AFF3: variants seen among roughly 807,000 people sequenced by gnomAD.
AFF3 encodes the protein AF4/FMR2 family member 3.
A neutral mutation model predicts 129.7 loss-of-function variants in AFF3; 32 were observed. The observed-to-expected ratio is 0.25, with a 90% CI of 0.19 to 0.33. The LOEUF (loss-of-function observed/expected upper bound fraction) is 0.33, where lower values mean the gene tolerates loss of function less well. Among genes scored for constraint, AFF3 ranks in the 10% least tolerant of loss-of-function variants. AFF3 has a pLI of 1.00. For missense variants in AFF3, 1,373 were observed against 1,592.0 expected (o/e 0.86, Z 2.34); for synonymous variants, 644 against 635.4 (o/e 1.01, Z -0.20).
chr2:99,883,805 G>A (rs1379833850), intron 7 of AFF3, among the ~76,000 whole-genome samples: 2 of 151,774 alleles, frequency 1.3e-5, no homozygotes, highest in African/African-American at 4.8e-5. Flanking sequence ...ATAAAAACAA[G>A]ACTAGGCAGA....
chr2:100,021,471 T>C (rs17352731), intron 4 of AFF3, among the ~76,000 whole-genome samples: 20,900 of 152,246 alleles, frequency 0.14, 1,684 homozygotes, highest in South Asian at 0.2. Context: ...ATATCACCAT[T>C]TGAACACACA....
At chr2:99,824,992 A>G (rs1313153375) in intron 8 of AFF3, among the ~76,000 whole-genome samples, 1 of 152,232 alleles carries the variant, frequency 6.6e-6, no homozygotes, top group Non-Finnish European at 1.5e-5. Flanking sequence ...ACAAAACAAC[A>G]TGCAAATAAA....
chr2:100,103,483 G>A (rs2105485926), intron 4 of AFF3, among the ~76,000 whole-genome samples: 1 of 149,108 alleles, frequency 6.7e-6, no homozygotes, highest in East Asian at 2.0e-4. Context: ...CACCTGAATA[G>A]TGCTGGTTGG....
intron 12 of AFF3, among the ~76,000 whole-genome samples, chr2:99,665,271 T>G (rs1057403990): frequency 6.6e-6 from 1 of 152,250 alleles, no homozygotes; most frequent in Non-Finnish European, 1.5e-5. Flanking sequence ...GAGGCTGTAT[T>G]ACAGAGGGCA....
At chr2:99,896,011 G>C (rs1693912443) in intron 7 of AFF3, among the ~76,000 whole-genome samples, 1 of 142,196 alleles carries the variant, frequency 7.0e-6, no homozygotes, top group Non-Finnish European at 1.5e-5. Flanking sequence ...GGAGATTGCA[G>C]TGAGGCGAGA....
intron 7 of AFF3, among the ~76,000 whole-genome samples, chr2:99,987,962 T>G (rs967838004): frequency 2.0e-5 from 3 of 152,204 alleles, no homozygotes; most frequent in Non-Finnish European, 4.4e-5. Flanking sequence ...AGCACCTGCA[T>G]GTTAAGCACT....
chr2:100,052,405 G>A (rs1320501220), intron 4 of AFF3, among the ~76,000 whole-genome samples: 1 of 152,118 alleles, frequency 6.6e-6, no homozygotes, highest in Non-Finnish European at 1.5e-5. Flanking sequence ...TGGATTTAGG[G>A]AAGGACAATG....
chr2:100,127,147 T>C (rs113308560), intron 2 of AFF3, among the ~76,000 whole-genome samples: 220 of 152,258 alleles, frequency 1.4e-3, no homozygotes, highest in Non-Finnish European at 2.7e-3. Context: ...TCACAGTTCA[T>C]CCAGTCAGAG....
intron 7 of AFF3, among the ~76,000 whole-genome samples, chr2:99,843,956 G>A (rs1215027216): frequency 2.0e-5 from 3 of 152,052 alleles, no homozygotes; most frequent in Non-Finnish European, 1.5e-5. Context: ...CTTGAACCCG[G>A]GAGGTGGAGG....
chr2:99,626,936 A>G (rs1682644017), intron 13 of AFF3, among the ~76,000 whole-genome samples: 1 of 152,234 alleles, frequency 6.6e-6, no homozygotes, highest in Non-Finnish European at 1.5e-5. Flanking sequence ...ATAGTAGCAT[A>G]GTATTCCATG....
chr2:99,583,504 T>G (rs1677783646), intron 16 of AFF3, among the ~76,000 whole-genome samples: 1 of 152,092 alleles, frequency 6.6e-6, no homozygotes, highest in Non-Finnish European at 1.5e-5. Flanking sequence ...CACTTCAGCC[T>G]CCTGAGTAGC....
chr2:100,055,859 C>G (rs1395246082), intron 4 of AFF3, among the ~76,000 whole-genome samples: 1 of 152,104 alleles, frequency 6.6e-6, no homozygotes, highest in Non-Finnish European at 1.5e-5. Context: ...GTTGATCAAT[C>G]TGTTCATCAC....
intron 7 of AFF3, among the ~76,000 whole-genome samples, chr2:99,986,342 C>T (rs975084023): frequency 6.6e-6 from 1 of 151,786 alleles, no homozygotes; most frequent in Non-Finnish European, 1.5e-5. Flanking sequence ...GCGGCAAAAT[C>T]CATCCTGCGT....
At chr2:100,071,129 C>T (rs1402845292) in intron 4 of AFF3, among the ~76,000 whole-genome samples, 1 of 152,148 alleles carries the variant, frequency 6.6e-6, no homozygotes, top group Non-Finnish European at 1.5e-5. Context: ...GGCATTAAAA[C>T]ATTTGACTTG....
At chr2:99,892,089 T>C (rs1693607877) in intron 7 of AFF3, among the ~76,000 whole-genome samples, 2 of 152,210 alleles carry the variant, frequency 1.3e-5, no homozygotes, top group Admixed American at 1.3e-4. Context: ...CCCAAAGTGC[T>C]GGGATTACAG....
intron 4 of AFF3, among the ~76,000 whole-genome samples, chr2:100,083,693 G>C (rs952364419): frequency 1.3e-5 from 2 of 152,284 alleles, no homozygotes; most frequent in African/African-American, 4.8e-5. Flanking sequence ...GCTGTAGGCT[G>C]TCTTCTCAGG....
chr2:99,745,517 C>G (rs187921518), intron 9 of AFF3, among the ~76,000 whole-genome samples: 1 of 152,156 alleles, frequency 6.6e-6, no homozygotes, highest in African/African-American at 2.4e-5. Context: ...CTCCCTGATA[C>G]TTATGGTTTG....
intron 8 of AFF3, among the ~76,000 whole-genome samples, chr2:99,771,963 A>G (rs1021200207): frequency 6.6e-6 from 1 of 152,164 alleles, no homozygotes; most frequent in Non-Finnish European, 1.5e-5. Context: ...GAAACCATAA[A>G]TATGTCATTT....
intron 2 of AFF3, chr2:100,106,537 G>A (rs879892679): frequency 4.0e-6 from 4 of 997,096 alleles, no homozygotes; most frequent in Admixed American, 5.5e-5. Flanking sequence ...CATTGAGACA[G>A]CATTCCCAGG....
Sources: gnomAD v4.1 joint callset for allele counts (sites outside exome capture counted in the v4.1 genomes callset) on GRCh38, gnomAD v4.1.1 for gene constraint, MANE v1.5 for transcripts, NCBI Gene and HGNC (gene_info 2026-07-23, HGNC 2026-07-21) for gene names.